KCNQ1: variants seen among roughly 807,000 people sequenced by gnomAD.
KCNQ1 encodes potassium voltage-gated channel subfamily KQT member 1.
In KCNQ1, 49 loss-of-function variants were observed where a neutral mutation model predicts 72.4. The observed-to-expected ratio is 0.68, with a 90% CI of 0.54 to 0.86. KCNQ1 has a LOEUF of 0.86. KCNQ1 is among the 40% of genes least tolerant of loss of function. The probability of loss-of-function intolerance (pLI) is 0.00; values close to 1 mark genes in which losing one functional copy is unlikely to be tolerated. For missense variants in KCNQ1, 790 were observed against 945.1 expected (o/e 0.84, Z 2.15); for synonymous variants, 450 against 412.6 (o/e 1.09, Z -1.10).
At chr11:2,634,847 T>G (rs947382912) in intron 10 of KCNQ1, 3 of 152,214 alleles carry the variant, frequency 2.0e-5, no homozygotes, top group African/African-American at 7.2e-5. Context: ...ACCTGTTGTT[T>G]CCTGAATTTT....
At chr11:2,575,904 G>T (rs2133738331) in intron 6 of KCNQ1, among the ~76,000 whole-genome samples, 1 of 152,350 alleles carries the variant, frequency 6.6e-6, no homozygotes, top group East Asian at 1.9e-4. Flanking sequence ...CCGAAGCGAG[G>T]TGTGCACAGG....
At chr11:2,630,932 G>T (rs1168854797) in intron 10 of KCNQ1, 2 of 398,350 alleles carry the variant, frequency 5.0e-6, no homozygotes, top group Admixed American at 4.4e-5. Context: ...GAAAGTTTTT[G>T]CTCAGAAATC....
chr11:2,606,587 G>C (rs1370969231), intron 10 of KCNQ1, among the ~76,000 whole-genome samples: 3 of 152,162 alleles, frequency 2.0e-5, no homozygotes, highest in Non-Finnish European at 4.4e-5. Context: ...ACCAGGAGCA[G>C]GTGCTGGTGC....
At chr11:2,548,842 G>A (rs1299101955) in intron 2 of KCNQ1, among the ~76,000 whole-genome samples, 1 of 152,242 alleles carries the variant, frequency 6.6e-6, no homozygotes, top group Non-Finnish European at 1.5e-5. Context: ...TGGCCCAGGT[G>A]GGTGGGTGTC....
rs1056889303 is a variant in KCNQ1 at position 2,784,454 on chromosome 11, A to C, written c.1794+6417A>C. Among the ~76,000 whole-genome samples the C allele has an allele frequency of 7.2e-5, 11 of 152,046 alleles. No individual in the cohort carries two copies. The highest frequency in any genetic ancestry group is 3.4e-3 in the Middle Eastern group (1 of 294). The stretch of plus-strand genomic sequence containing the variant: ...AGGTTTACAGTAAGTTTTAAAATTA[A>C]ATTATGTAAGTTTTCTAATTTTGTT... On this transcript the variant is annotated intron_variant, in intron 15 of 15. Transcript: ENST00000155840. This position sits in a 1 kb window ranked among gnomAD's most constrained non-coding sequence, Gnocchi z 4.7.
chr11:2,819,574 G>A (rs1847690986), intron 15 of KCNQ1, among the ~76,000 whole-genome samples: 2 of 152,206 alleles, frequency 1.3e-5, no homozygotes, highest in Non-Finnish European at 2.9e-5. Flanking sequence ...TAGCATCTGT[G>A]TTCATACCTG....
In KCNQ1 at chr11:2,653,568, C is replaced by CT. The variant is rs751039500; in HGVS notation, c.1394-8389dup. 3.4e-4 allele frequency: 137 copies of CT among 398,720 alleles called. No homozygotes were observed. The highest frequency in any genetic ancestry group is 5.3e-4 in the Non-Finnish European group (121 of 226,172). 24.7% of individuals were successfully genotyped at this position (398,720 alleles called of 1,614,324 possible). A position where few individuals can be genotyped will look rare whatever the true frequency, so the allele number is the denominator to read the frequency against. ...CTCCCCTTCTCCCTTCCCGTTCCCT[C>CT]TTTTGTTCTCCCTTTCCCTTGCTCT... On this transcript the variant is annotated intron_variant, in intron 10 of 15. Coordinates refer to ENST00000155840, the MANE Select transcript of KCNQ1 (RefSeq NM_000218.3). The surrounding 1 kb of genome is among the most constrained non-coding windows in gnomAD (Gnocchi z 5.3).
In KCNQ1 at chr11:2,824,925, G is replaced by A. The variant is rs1803241807; in HGVS notation, c.1795-22842G>A. 6.6e-6 allele frequency among the ~76,000 whole-genome samples: 1 copy of A among 152,168 alleles called. No individual in the cohort carries two copies. The highest frequency in any genetic ancestry group is 2.4e-5 in the African/African-American group (1 of 41,402). On this transcript the variant is annotated intron_variant, in intron 15 of 15. Transcript: ENST00000155840. This position sits in a 1 kb window ranked among gnomAD's most constrained non-coding sequence, Gnocchi z 5.9. ...ACAGAGCAGGTTCCCAGTGAGTTCT[G>A]GGGCCTCAGTGACTGGGCAAGGACA...
Position 2,647,784 on chromosome 11 carries a change from T to G in KCNQ1, c.1394-14177T>G, listed in dbSNP as rs988806432. 2.5e-6 allele frequency: 1 copy of G among 398,450 alleles called. No individual in the cohort carries two copies. The highest frequency in any genetic ancestry group is 4.4e-6 in the Non-Finnish European group (1 of 226,058). 24.7% of individuals were successfully genotyped at this position (398,450 alleles called of 1,614,324 possible). On this transcript the variant is annotated intron_variant, in intron 10 of 15. Transcript: ENST00000155840. The surrounding 1 kb of genome is among the most constrained non-coding windows in gnomAD (Gnocchi z 4.0). Reference sequence around the variant, plus strand: ...AGGTTTTCTAATTGTTGACATATAGTTGTTCATAATGGTCTCTAATAATCT... The same window carrying G: ...AGGTTTTCTAATTGTTGACATATAGGTGTTCATAATGGTCTCTAATAATCT...
chr11:2,498,784 T>C lies in KCNQ1; in HGVS notation c.387-29144T>C, dbSNP rs1247683407. Reference sequence around the variant, plus strand: ...TGTCTGTCCAAACAGCAACTCAGTTTTGTGCTTGAAACCCAGGGCCCTGGT... The same window carrying C: ...TGTCTGTCCAAACAGCAACTCAGTTCTGTGCTTGAAACCCAGGGCCCTGGT... On this transcript the variant is annotated intron_variant, in intron 1 of 15. Transcript: ENST00000155840. This position sits in a 1 kb window ranked among gnomAD's most constrained non-coding sequence, Gnocchi z 4.8. 6.6e-6 allele frequency among the ~76,000 whole-genome samples: 1 copy of C among 152,218 alleles called. No homozygotes were observed. The highest frequency in any genetic ancestry group is 1.5e-5 in the Non-Finnish European group (1 of 68,040).
At chr11:2,636,786 T>G (rs1329243256) in intron 10 of KCNQ1, 2 of 152,278 alleles carry the variant, frequency 1.3e-5, no homozygotes, top group African/African-American at 2.4e-5. Flanking sequence ...GTACCTCTGG[T>G]AGAATTCGGC....
rs971792201 is a variant in KCNQ1 at position 2,559,842 on chromosome 11, C to G, written c.478-10786C>G. ...GCTGCCTGCTTCCTGGGCAGGGGCTCCTTCCTCCCTCTCTGTCTCTGGGGT... is the reference window on the plus strand; with the variant it reads ...GCTGCCTGCTTCCTGGGCAGGGGCTGCTTCCTCCCTCTCTGTCTCTGGGGT... On this transcript the variant is annotated intron_variant, in intron 2 of 15. Coordinates refer to ENST00000155840, the MANE Select transcript of KCNQ1 (RefSeq NM_000218.3). This position sits in a 1 kb window ranked among gnomAD's most constrained non-coding sequence, Gnocchi z 4.9. Among the ~76,000 whole-genome samples the G allele has an allele frequency of 6.6e-6, 1 of 151,902 alleles. No homozygotes were observed. The highest frequency in any genetic ancestry group is 2.4e-5 in the African/African-American group (1 of 41,340).
chr11:2,789,386 GCAAGCTTTGTCATGTGA>G (rs1352678799), intron 15 of KCNQ1, among the ~76,000 whole-genome samples: 1 of 152,206 alleles, frequency 6.6e-6, no homozygotes, highest in African/African-American at 2.4e-5. Context: ...GGCTTTGCAT[GCAAGCTTTGTCATGTGA>G]CAAGCTCAAA....
At chr11:2,545,138 T>A (rs1023384051) in intron 2 of KCNQ1, among the ~76,000 whole-genome samples, 1 of 152,276 alleles carries the variant, frequency 6.6e-6, no homozygotes, top group Non-Finnish European at 1.5e-5. Context: ...AAACCACACT[T>A]GGTCATGCTC....
intron 15 of KCNQ1, among the ~76,000 whole-genome samples, chr11:2,804,008 C>T (rs1054879908): frequency 6.6e-6 from 1 of 152,078 alleles, no homozygotes; most frequent in African/African-American, 2.4e-5. Flanking sequence ...ATCGGGGAGT[C>T]GAAGGCAGAG....
chr11:2,727,626 G>T (rs1411204679), intron 11 of KCNQ1, among the ~76,000 whole-genome samples: 1 of 152,116 alleles, frequency 6.6e-6, no homozygotes, highest in African/African-American at 2.4e-5. Flanking sequence ...CTTGCCTCCT[G>T]CCAGGGGTCC....
At chr11:2,694,330 G>GC in intron 11 of KCNQ1, 1 of 398,648 alleles carries the variant, frequency 2.5e-6, no homozygotes, top group East Asian at 3.6e-5. Context: ...CATCTGCGGT[G>GC]CCCCCCAGGG....
In KCNQ1 at chr11:2,752,065, A is replaced by G. The variant is rs1195367352; in HGVS notation, c.1515-16779A>G. On this transcript the variant is annotated intron_variant, in intron 11 of 15. Transcript: ENST00000155840. This position sits in a 1 kb window ranked among gnomAD's most constrained non-coding sequence, Gnocchi z 5.2. ...TCCCCACGCCCTGAGGGGCCGTCCT[A>G]GGCAGCACTCACCCTGGTCATCCCT... Among the ~76,000 whole-genome samples, 1 of 152,192 alleles carries G rather than the reference A, an allele frequency of 6.6e-6. No homozygotes were observed. Among genetic ancestry groups the G allele is most frequent in the East Asian group, 1.9e-4 (1 of 5,192 alleles).
intron 12 of KCNQ1, among the ~76,000 whole-genome samples, chr11:2,774,980 TC>T (rs1332992484): frequency 6.6e-6 from 1 of 152,098 alleles, no homozygotes; most frequent in East Asian, 1.9e-4. Flanking sequence ...CCTTGCAAAT[TC>T]CCCAGCAAAA....
Sources: gnomAD v4.1 joint callset for allele counts (sites outside exome capture counted in the v4.1 genomes callset) on GRCh38, gnomAD v4.1.1 for gene constraint, Gnocchi (gnomAD v3.1) non-coding constraint, MANE v1.5 for transcripts, NCBI Gene and HGNC (gene_info 2026-07-23, HGNC 2026-07-21) for gene names.